RAB26: variants seen among roughly 807,000 people sequenced by gnomAD.
RAB26 encodes ras-related protein Rab-26.
RAB26 carries 39 observed loss-of-function variants against 33.1 expected under a neutral mutation model. That is an observed-to-expected ratio of 1.18 (90% confidence interval 0.91 to 1.54). The LOEUF (loss-of-function observed/expected upper bound fraction) is 1.54. Among genes scored for constraint, RAB26 ranks in the 40% most tolerant of loss-of-function variants. RAB26 has a pLI of 0.00. For missense variants in RAB26, 468 were observed against 362.9 expected (o/e 1.29, Z -2.35); for synonymous variants, 192 against 151.9 (o/e 1.26, Z -1.94).
rs1567240459 is a variant in RAB26 at position 2,153,002 on chromosome 16, ATGAGCG to A, written c.551_556del (p.Glu184_Arg185del). On this transcript the variant is annotated inframe_deletion, in exon 7 of 9. Transcript: ENST00000210187. ...TGCCTGGGCCAGGTGGACTCTGCCC[ATGAGCG>A]TGTGGTGAAGAGGGAGGACGGGGAG... is the stretch of plus-strand genomic sequence containing the variant. The A allele has an allele frequency of 6.9e-6, 11 of 1,594,968 alleles. No homozygotes were observed. Among genetic ancestry groups the A allele is most frequent in the Non-Finnish European group, 9.4e-6 (11 of 1,167,962 alleles).
At chr16:2,152,054 C>G (rs940768612) in intron 5 of RAB26, 146 bp downstream of exon 5, 1 of 1,168,086 alleles carries the variant, frequency 8.6e-7, no homozygotes, top group African/African-American at 1.6e-5. Context: ...GGAGGTGGCC[C>G]AAGTGGACCT....
rs556760095 is a variant in RAB26 at position 2,151,259 on chromosome 16, G to A, written c.307-310G>A. ...AAAGAGCTACTGGGAAGGCTGAGGCGTTGCAGCTCGTTAGTTACTGCACCC... is the reference window on the plus strand; with the variant it reads ...AAAGAGCTACTGGGAAGGCTGAGGCATTGCAGCTCGTTAGTTACTGCACCC... On this transcript the variant is annotated intron_variant, in intron 2 of 8. Transcript: ENST00000210187. 548 of 560,212 alleles carry A rather than the reference G, an allele frequency of 9.8e-4. 6 individuals carry two copies. The highest frequency in any genetic ancestry group is 5.6e-3 in the South Asian group (337 of 60,268). 34.7% of individuals were successfully genotyped at this position (560,212 alleles called of 1,614,324 possible).
chr16:2,152,680 G>C, intron 5 of RAB26, 140 bp from the exon 6 acceptor site: 1 of 660,310 alleles, frequency 1.5e-6, no homozygotes, highest in Non-Finnish European at 2.3e-6. Context: ...GAAACAGGGC[G>C]AGACTCTTGT....
At position 2,148,662 on chromosome 16, in the gene RAB26, G is replaced by A. The variant is rs867482683; in HGVS notation, c.-122G>A. The A allele has an allele frequency of 2.5e-4, 226 of 905,922 alleles. 1 individual carries two copies. In the African/African-American group the frequency reaches 3.8e-3, roughly 15 times the overall value. The allele number at this position is 905,922 out of a possible 1,614,324, so 56.1% of individuals were successfully genotyped here. A position where few individuals can be genotyped will look rare whatever the true frequency, so the allele number is the denominator to read the frequency against. On this transcript the variant is annotated 5_prime_UTR_variant, in exon 1 of 9. Coordinates refer to ENST00000210187, the MANE Select transcript of RAB26 (RefSeq NM_014353.5). ...CGCCCGGGATGATGCCGCCGCCGCCGCCGCCGCCGCCGCCGCCGCCAGGGG... is the reference window on the plus strand; with the variant it reads ...CGCCCGGGATGATGCCGCCGCCGCCACCGCCGCCGCCGCCGCCGCCAGGGG...
At chr16:2,150,699 T>C (rs1460875229) in intron 2 of RAB26, among the ~76,000 whole-genome samples, 2 of 152,180 alleles carry the variant, frequency 1.3e-5, no homozygotes, top group African/African-American at 4.8e-5. Context: ...AGGCCAGTCC[T>C]GTCTGGTCCC....
Position 2,148,701 on chromosome 16 carries a change from C to CG in RAB26, c.-80dup, listed in dbSNP as rs1319304863. ...CGCCGCCAGGGGAAGGGTTCGGGTC[C>CG]GGGTCGGGCTCGGCGGGCGCGGGGT... On this transcript the variant is annotated 5_prime_UTR_variant, in exon 1 of 9. An upstream open reading frame in the 5' UTR loses its in-frame stop. Coordinates refer to ENST00000210187, the MANE Select transcript of RAB26 (RefSeq NM_014353.5). 5.3e-5 allele frequency: 62 copies of CG among 1,162,360 alleles called. No homozygotes were observed. The highest frequency in any genetic ancestry group is 6.4e-5 in the Non-Finnish European group (60 of 933,784). 72.0% of individuals were successfully genotyped at this position (1,162,360 alleles called of 1,614,324 possible).
intron 2 of RAB26, 56 bp from the exon 3 acceptor site, chr16:2,151,513 G>A: frequency 6.2e-7 from 1 of 1,611,566 alleles, no homozygotes; most frequent in Non-Finnish European, 8.5e-7. Context: ...TGAAGCTAGT[G>A]GGACCAGAGG....
intron 1 of RAB26, 43 bp downstream of exon 1, chr16:2,149,021 G>A: frequency 2.4e-6 from 3 of 1,260,314 alleles, no homozygotes; most frequent in East Asian, 3.2e-5. Flanking sequence ...AGCAGGTGGC[G>A]CCCGGCCTGA....
Position 2,153,979 on chromosome 16 carries a change from G to A in RAB26, c.*558G>A, listed in dbSNP as rs970035834. 6.0e-5 allele frequency: 22 copies of A among 367,464 alleles called. No homozygotes were observed. The highest frequency in any genetic ancestry group is 4.7e-4 in the African/African-American group (22 of 47,302). The allele number at this position is 367,464 out of a possible 1,614,324, so 22.8% of individuals were successfully genotyped here. A position where few individuals can be genotyped will look rare whatever the true frequency, so the allele number is the denominator to read the frequency against. On this transcript the variant is annotated 3_prime_UTR_variant, in exon 9 of 9. Transcript: ENST00000210187. Reference sequence around the variant, plus strand: ...GATGCCTGTGGCCTTGTGATAAAATGTGGGAAATCACAGAAAACACCAGAA... The same window carrying A: ...GATGCCTGTGGCCTTGTGATAAAATATGGGAAATCACAGAAAACACCAGAA...
At chr16:2,149,188 C>T (rs1488489482) in intron 1 of RAB26, among the ~76,000 whole-genome samples, 7 of 152,186 alleles carry the variant, frequency 4.6e-5, no homozygotes, top group Admixed American at 3.9e-4. Context: ...GGCCTGTCCC[C>T]CACCCCCCAG....
At chr16:2,151,392 CG>C in intron 2 of RAB26, 176 bp from the exon 3 acceptor site, 1 of 754,052 alleles carries the variant, frequency 1.3e-6, no homozygotes, top group Non-Finnish European at 2.3e-6. Context: ...CAGAGGCTGC[CG>C]GGAGAGGCCT....
At position 2,149,922 on chromosome 16, in the gene RAB26, A is replaced by G. The variant is rs1167885368; in HGVS notation, c.196-19A>G. 2 of 1,506,694 alleles carry G rather than the reference A, an allele frequency of 1.3e-6. No individual in the cohort carries two copies. Among genetic ancestry groups the G allele is most frequent in the Non-Finnish European group, 1.8e-6 (2 of 1,124,748 alleles). 93.3% of individuals were successfully genotyped at this position (1,506,694 alleles called of 1,614,324 possible). ...CTCAGGGCAGACCAGACTCCCCCCA[A>G]CCCTCCTGCTTGTCCTAGGTCATGC... On this transcript the variant is annotated intron_variant, in intron 1 of 8. Transcript: ENST00000210187.
rs2093014491 is a variant in RAB26 at position 2,153,577 on chromosome 16, G to C, written c.*156G>C. The C allele has an allele frequency of 1.4e-6, 1 of 700,776 alleles. No individual in the cohort carries two copies. The highest frequency in any genetic ancestry group is 1.7e-5 in the South Asian group (1 of 58,070). The allele number at this position is 700,776 out of a possible 1,614,324, so 43.4% of individuals were successfully genotyped here. On this transcript the variant is annotated 3_prime_UTR_variant, in exon 9 of 9. Coordinates refer to ENST00000210187, the MANE Select transcript of RAB26 (RefSeq NM_014353.5). ...CAAGCCTTGTCCCTTCCTCCTCCCA[G>C]CAACAGTCCCAACAAGCAGGCTTCT...
At chr16:2,149,190 A>G (rs1049900063) in intron 1 of RAB26, among the ~76,000 whole-genome samples, 1 of 147,154 alleles carries the variant, frequency 6.8e-6, no homozygotes, top group African/African-American at 2.6e-5. Flanking sequence ...CCTGTCCCCC[A>G]CCCCCCAGGC....
Position 2,151,569 on chromosome 16 carries a change from A to G in RAB26, c.307A>G (p.Asn103Asp). Residue 103 changes from asparagine (N) to aspartate (D), a missense_variant and splice_region_variant, in exon 3 of 9, where the codon AAC (asparagine) becomes GAC (aspartate). Coordinates refer to ENST00000210187, the MANE Select transcript of RAB26 (RefSeq NM_014353.5). ...AGCTGCCTGGTTCTGTCTGTTTCAGAACAAAGTTCTGGACGTGGATGGTGT... is the reference window on the plus strand; with the variant it reads ...AGCTGCCTGGTTCTGTCTGTTTCAGGACAAAGTTCTGGACGTGGATGGTGT... The part of the protein sequence containing the change: ...FISTVGIDFR[N>D]KVLDVDGVKV... The G allele has an allele frequency of 1.2e-6, 2 of 1,613,880 alleles. No homozygotes were observed. The highest frequency in any genetic ancestry group is 1.7e-6 in the Non-Finnish European group (2 of 1,180,012).
intron 2 of RAB26, chr16:2,151,291 A>C: frequency 1.7e-6 from 1 of 586,530 alleles, no homozygotes; most frequent in South Asian, 1.8e-5. Context: ...ACCCATTTGC[A>C]GATGAGGAAA....
chr16:2,153,574 C>G lies in RAB26; in HGVS notation c.*153C>G. ...GGTCAAGCCTTGTCCCTTCCTCCTCCCAGCAACAGTCCCAACAAGCAGGCT... is the reference window on the plus strand; with the variant it reads ...GGTCAAGCCTTGTCCCTTCCTCCTCGCAGCAACAGTCCCAACAAGCAGGCT... On this transcript the variant is annotated 3_prime_UTR_variant, in exon 9 of 9. Transcript: ENST00000210187. 1.4e-6 allele frequency: 1 copy of G among 705,080 alleles called. No individual in the cohort carries two copies. Among genetic ancestry groups the G allele is most frequent in the African/African-American group, 1.8e-5 (1 of 56,614 alleles). The allele number at this position is 705,080 out of a possible 1,614,324, so 43.7% of individuals were successfully genotyped here.
At position 2,152,899 on chromosome 16, in the gene RAB26, C is replaced by T. The variant is rs766861675; in HGVS notation, c.534+14C>T. The T allele has an allele frequency of 6.3e-7, 1 of 1,599,680 alleles. No homozygotes were observed. The highest frequency in any genetic ancestry group is 8.5e-7 in the Non-Finnish European group (1 of 1,172,416). On this transcript the variant is annotated intron_variant, in intron 6 of 8. Coordinates refer to ENST00000210187, the MANE Select transcript of RAB26 (RefSeq NM_014353.5). ...CTGGGGAACAAGGTGGGAGGCCCGG[C>T]TGTCCTCACCTGGGCCACAGGGCAG...
rs1263432503 is a variant in RAB26, at chr16:2,154,015, C to G, written c.*594C>G. 1 of 359,900 alleles carries G rather than the reference C, an allele frequency of 2.8e-6. No individual in the cohort carries two copies. Among genetic ancestry groups the G allele is most frequent in the East Asian group, 7.5e-5 (1 of 13,356 alleles). 22.3% of individuals were successfully genotyped at this position (359,900 alleles called of 1,614,324 possible). ...CAGAAAACACCAGAAACAACAACTG[C>G]CAGCCCGGCCTGGCCACAGGTGAGG... is the stretch of plus-strand genomic sequence containing the variant. On this transcript the variant is annotated 3_prime_UTR_variant, in exon 9 of 9. Coordinates refer to ENST00000210187, the MANE Select transcript of RAB26 (RefSeq NM_014353.5).
Sources: gnomAD v4.1 joint callset for allele counts (sites outside exome capture counted in the v4.1 genomes callset) on GRCh38, gnomAD v4.1.1 for gene constraint, MANE v1.5 for transcripts, NCBI Gene and HGNC (gene_info 2026-07-23, HGNC 2026-07-21) for gene names.